Variants in UGDH observed in about 807,000 individuals in gnomAD.
UGDH encodes the protein UDP-Glc dehydrogenase.
UGDH carries 38 observed loss-of-function variants against 50.6 expected under a neutral mutation model. That is an observed-to-expected ratio of 0.75 (90% confidence interval 0.58 to 0.98). The LOEUF (loss-of-function observed/expected upper bound fraction) is 0.98, where lower values mean the gene tolerates loss of function less well. Ranked by LOEUF, UGDH falls within the 50% of genes least tolerant of loss-of-function variation. The pLI, the probability that UGDH is intolerant of heterozygous loss-of-function variation, is 0.00. For synonymous variants in UGDH, 168 were observed against 199.9 expected, an observed-to-expected ratio of 0.84 and a Z score of 1.35; for missense variants, 465 against 606.2, an observed-to-expected ratio of 0.77 and a Z score of 2.45.
intron 1 of UGDH, among the ~76,000 whole-genome samples, chr4:39,524,110 A>T (rs183204040): frequency 1.3e-4 from 20 of 152,320 alleles, no homozygotes; most frequent in South Asian, 1.0e-3. Flanking sequence ...AAAGAGTAGA[A>T]TCTCAAAGTA....
chr4:39,509,042 A>G (rs1746131455), intron 6 of UGDH, among the ~76,000 whole-genome samples: 1 of 149,848 alleles, frequency 6.7e-6, no homozygotes. Flanking sequence ...GGGTATGAAC[A>G]TGGCTCACTG....
chr4:39,514,329 AG>A, intron 2 of UGDH, 145 bp from the exon 3 acceptor site: 1 of 677,600 alleles, frequency 1.5e-6, no homozygotes, highest in East Asian at 2.9e-5. Flanking sequence ...TTTGTAGACA[AG>A]TTAAGGATCA....
intron 1 of UGDH, 30 bp from the exon 2 acceptor site, chr4:39,521,549 T>C (rs1417606258): frequency 1.4e-6 from 2 of 1,464,362 alleles, no homozygotes; most frequent in Non-Finnish European, 1.8e-6. Flanking sequence ...ACTGTTCTAG[T>C]ATTGAAAACA....
intron 2 of UGDH, among the ~76,000 whole-genome samples, chr4:39,518,958 C>A (rs541124222): frequency 6.6e-6 from 1 of 152,304 alleles, no homozygotes; most frequent in African/African-American, 2.4e-5. Context: ...ATTCTGTCAA[C>A]CAGGCTGGAG....
intron 1 of UGDH, among the ~76,000 whole-genome samples, chr4:39,524,616 C>A (rs1746802346): frequency 6.6e-6 from 1 of 152,162 alleles, no homozygotes; most frequent in East Asian, 1.9e-4. Context: ...GAGTCTCCCA[C>A]CTAGCCTCCC....
intron 2 of UGDH, among the ~76,000 whole-genome samples, chr4:39,515,212 A>G (rs73238599): frequency 6.6e-6 from 1 of 152,362 alleles, no homozygotes; most frequent in Non-Finnish European, 1.5e-5. Context: ...AGAGCAGCTC[A>G]TTTAATGCTT....
chr4:39,514,115 C>T lies in UGDH; in HGVS notation c.232G>A (p.Ala78Thr), dbSNP rs745515782. Residue 78 changes from alanine to threonine, a missense_variant, in exon 3 of 12, where the codon GCC becomes ACC. Ala to Thr is a moderately conservative substitution (Grantham distance 58, BLOSUM62 0). Coordinates refer to ENST00000316423, the MANE Select transcript of UGDH (RefSeq NM_003359.4). Reference protein sequence around the residue: ...NLFFSTNIDDAIKEADLVFIS... With the variant: ...NLFFSTNIDDTIKEADLVFIS... ...AATACAAGATCAGCTTCTTTGATGG[C>T]ATCATCAATATTGGTAGAAAAAAAA... The T allele has an allele frequency of 4.4e-6, 7 of 1,588,876 alleles. No homozygotes were observed. The African/African-American group carries it at 6.9e-5, about 16-fold the overall frequency.
At position 39,504,631 on chromosome 4, in the gene UGDH, G is replaced by C; in HGVS notation, c.1172-123C>G. On this transcript the variant is annotated intron_variant, in intron 9 of 11. Transcript: ENST00000316423. ...CCCAGTAGATGTCTGAAACTGTGGA[G>C]AGTACTGAACCCTATATATACTTAC... The C allele has an allele frequency of 3.5e-6, 3 of 859,902 alleles. No individual in the cohort carries two copies. In the South Asian group the frequency reaches 4.6e-5, roughly 13 times the overall value. The allele number at this position is 859,902 out of a possible 1,614,324, so 53.3% of individuals were successfully genotyped here. A position where few individuals can be genotyped will look rare whatever the true frequency, so the allele number is the denominator to read the frequency against.
intron 11 of UGDH, among the ~76,000 whole-genome samples, chr4:39,503,499 C>A (rs1745906819): frequency 6.6e-6 from 1 of 152,152 alleles, no homozygotes; most frequent in Non-Finnish European, 1.5e-5. Context: ...TCTTTCTCTA[C>A]CTTTAGATCG....
At chr4:39,513,830 C>G (rs559829086) in intron 3 of UGDH, among the ~76,000 whole-genome samples, 5 of 152,156 alleles carry the variant, frequency 3.3e-5, no homozygotes, top group African/African-American at 4.8e-5. Flanking sequence ...CCACCGCACC[C>G]GCCCATTTCC....
chr4:39,500,558 C>G (rs1157595694), intron 11 of UGDH, among the ~76,000 whole-genome samples: 1 of 152,158 alleles, frequency 6.6e-6, no homozygotes, highest in Non-Finnish European at 1.5e-5. Flanking sequence ...AATTAACCTA[C>G]CAGTTTCCAG....
intron 11 of UGDH, among the ~76,000 whole-genome samples, chr4:39,503,095 T>G (rs988486366): frequency 7.9e-5 from 12 of 152,134 alleles, no homozygotes; most frequent in African/African-American, 2.9e-4. Flanking sequence ...TTTTGTATTT[T>G]TAGTAGAGAT....
Position 39,510,678 on chromosome 4 carries a change from GTTTTGTGTTTGC to G in UGDH, c.436_447del (p.Ala146_Lys149del). 6.2e-7 allele frequency: 1 copy of G among 1,614,202 alleles called. No homozygotes were observed. The highest frequency in any genetic ancestry group is 1.1e-5 in the South Asian group (1 of 91,084). ...TTTTATACCTGTAAATTCAAGTTGG[GTTTTGTGTTTGC>G]ATCAAATATGCGACGGATACTTTCT... On this transcript the variant is annotated inframe_deletion, in exon 4 of 12. Coordinates refer to ENST00000316423, the MANE Select transcript of UGDH (RefSeq NM_003359.4).
chr4:39,505,242 T>C lies in UGDH; in HGVS notation c.1166A>G (p.Asp389Gly), dbSNP rs1407273373. The change falls in exon 9 of 12, where the codon GAC (aspartate) becomes GGC (glycine). Residue 389 changes from aspartate (D) to glycine (G), a missense_variant. Coordinates refer to ENST00000316423, the MANE Select transcript of UGDH (RefSeq NM_003359.4). ...CATGAGACTCAAAGCCTTACCTTGG[T>C]CATCCTCTGAAACACCTGGATGAGA... ...DLSHPGVSED[D>G]QVSRLVTISK... The C allele has an allele frequency of 1.9e-6, 3 of 1,589,270 alleles. No homozygotes were observed. The Admixed American group carries it at 5.5e-5, about 29-fold the overall frequency.
rs189610403 is a variant in UGDH at position 39,523,468 on chromosome 4, T to C, written c.-7-1949A>G. Among the ~76,000 whole-genome samples the C allele has an allele frequency of 4.7e-4, 72 of 152,322 alleles. 2 individuals carry two copies. Among genetic ancestry groups the C allele is most frequent in the African/African-American group, 1.7e-3 (72 of 41,570 alleles). ...TAGAACAGTATTCTATTTGAATCTG[T>C]ATTCAAATAGTATTCTTAGCCATAT... On this transcript the variant is annotated intron_variant, in intron 1 of 11. Coordinates refer to ENST00000316423, the MANE Select transcript of UGDH (RefSeq NM_003359.4).
chr4:39,506,994 A>G (rs1176821570), intron 7 of UGDH, among the ~76,000 whole-genome samples: 1 of 152,178 alleles, frequency 6.6e-6, no homozygotes, highest in Non-Finnish European at 1.5e-5. Context: ...CCTGTCTCTA[A>G]AAAGTAAAAC....
At chr4:39,519,369 T>C (rs1746556819) in intron 2 of UGDH, among the ~76,000 whole-genome samples, 1 of 152,128 alleles carries the variant, frequency 6.6e-6, no homozygotes, top group Admixed American at 6.5e-5. Flanking sequence ...TTGTGAAGAC[T>C]AGAATACACT....
At chr4:39,514,041 C>G in intron 3 of UGDH, 42 bp downstream of exon 3, 1 of 1,467,844 alleles carries the variant, frequency 6.8e-7, no homozygotes, top group Middle Eastern at 2.1e-4. Context: ...TTTATATAGA[C>G]AAGAATACAT....
chr4:39,525,065 C>T (rs1052837424), intron 1 of UGDH, among the ~76,000 whole-genome samples: 7 of 152,214 alleles, frequency 4.6e-5, no homozygotes. Flanking sequence ...GGCTGATGTA[C>T]AATCTGTGCA....
Sources: gnomAD v4.1 joint callset for allele counts (sites outside exome capture counted in the v4.1 genomes callset) on GRCh38, gnomAD v4.1.1 for gene constraint, MANE v1.5 for transcripts, NCBI Gene and HGNC (gene_info 2026-07-23, HGNC 2026-07-21) for gene names.